The following LCP1 variants were observed in gnomAD, a reference collection of about 807,000 sequenced individuals.
LCP1 encodes the protein lymphocyte cytosolic protein 1.
LCP1 carries 23 observed loss-of-function variants against 72.0 expected under a neutral mutation model. The observed-to-expected ratio is 0.32, with a 90% CI of 0.23 to 0.45. The LOEUF is 0.45. Ranked by LOEUF, LCP1 falls within the 20% of genes least tolerant of loss-of-function variation. LCP1 has a pLI of 1.00. For missense variants in LCP1, 571 were observed against 748.3 expected (o/e 0.76, Z 2.76); for synonymous variants, 245 against 275.4 (o/e 0.89, Z 1.09).
At chr13:46,128,336 C>T (rs868297805) in intron 15 of LCP1, among the ~76,000 whole-genome samples, 12 of 152,210 alleles carry the variant, frequency 7.9e-5, no homozygotes, top group Admixed American at 5.2e-4. Flanking sequence ...CGGTGGCTCA[C>T]GCCTGTAATC....
rs766368891 is a variant in LCP1 at position 46,144,458 on chromosome 13, C to G, written c.1237G>C (p.Val413Leu). The change falls in exon 11 of 16, where the codon GTC becomes CTC. Residue 413 changes from valine to leucine, a missense_variant. Physicochemically the swap from Val to Leu is conservative, Grantham distance 32. Transcript: ENST00000323076. ...TATTCCTACCTGTACAAATGATTGA[C>G]TCGAGGGTTAACACCCAGGGAGTTC... The part of the protein sequence containing the change: ...WMNSLGVNPR[V>L]NHLYSDLSDA... 5 of 1,613,020 alleles carry G rather than the reference C, an allele frequency of 3.1e-6. No individual in the cohort carries two copies. Among genetic ancestry groups the G allele is most frequent in the Non-Finnish European group, 4.2e-6 (5 of 1,179,120 alleles).
At chr13:46,158,403 T>C (rs1054386916) in intron 4 of LCP1, 119 bp downstream of exon 4, 8 of 1,131,648 alleles carry the variant, frequency 7.1e-6, no homozygotes, top group Non-Finnish European at 1.0e-5. Flanking sequence ...CACAGGAAAA[T>C]TGGGAGTCAT....
chr13:46,151,421 A>G (rs9595422), intron 7 of LCP1, among the ~76,000 whole-genome samples: 30,332 of 152,192 alleles, frequency 0.2, 3,278 homozygotes, highest in Admixed American at 0.26. Flanking sequence ...CACATTTCAC[A>G]ATATGACAAC....
At chr13:46,172,572 GT>G (rs2045909720) in intron 1 of LCP1, among the ~76,000 whole-genome samples, 1 of 152,196 alleles carries the variant, frequency 6.6e-6, no homozygotes, top group South Asian at 2.1e-4. Context: ...GCTGTGGCAG[GT>G]TGGGTGTGGC....
chr13:46,159,102 A>G (rs1593957574), intron 2 of LCP1, 113 bp from the exon 3 acceptor site: 5 of 913,364 alleles, frequency 5.5e-6, no homozygotes, highest in Non-Finnish European at 8.7e-6. Context: ...TCATTCAGAC[A>G]TTAAGGCATG....
rs187770577 is a variant in LCP1, at chr13:46,133,364, C to G, written c.1626+763G>C. ...ATAAGCCAGGCATGGTGGCTCACGCCTATAATCCCAAAGCACTTTGGGAGG... is the reference window on the plus strand; with the variant it reads ...ATAAGCCAGGCATGGTGGCTCACGCGTATAATCCCAAAGCACTTTGGGAGG... On this transcript the variant is annotated intron_variant, in intron 14 of 15. Coordinates refer to ENST00000323076, the MANE Select transcript of LCP1 (RefSeq NM_002298.5). Among the ~76,000 whole-genome samples, 3 of 152,310 alleles carry G rather than the reference C, an allele frequency of 2.0e-5. No individual in the cohort carries two copies. The South Asian group carries it at 6.2e-4, about 32-fold the overall frequency.
intron 1 of LCP1, among the ~76,000 whole-genome samples, chr13:46,168,111 C>T (rs532733486): frequency 6.6e-6 from 1 of 152,124 alleles, no homozygotes; most frequent in Non-Finnish European, 1.5e-5. Context: ...ATGGAAATAA[C>T]TGGCAGGAAA....
In LCP1 at chr13:46,127,754, G is replaced by A. The variant is rs2045608170; in HGVS notation, c.1752-31C>T. 24 of 1,613,346 alleles carry A rather than the reference G, an allele frequency of 1.5e-5. No homozygotes were observed. In the Middle Eastern group the frequency reaches 4.9e-4, roughly 33 times the overall value. On this transcript the variant is annotated intron_variant, in intron 15 of 15. Coordinates refer to ENST00000323076, the MANE Select transcript of LCP1 (RefSeq NM_002298.5). ...AGGGAGAAAAGAGGAAAAATAAGGA[G>A]AGCCTGAGAAACACAACACGAATGG...
intron 1 of LCP1, among the ~76,000 whole-genome samples, chr13:46,172,158 C>T (rs948011808): frequency 4.6e-5 from 7 of 152,150 alleles, no homozygotes; most frequent in African/African-American, 1.7e-4. Flanking sequence ...TCCAAACAGA[C>T]AAAATAGAAA....
At chr13:46,153,658 G>A (rs1281173849) in intron 6 of LCP1, among the ~76,000 whole-genome samples, 1 of 149,772 alleles carries the variant, frequency 6.7e-6, no homozygotes, top group Non-Finnish European at 1.5e-5. Context: ...CTGAGATCAT[G>A]CCATCACACT....
intron 4 of LCP1, among the ~76,000 whole-genome samples, chr13:46,157,830 T>C (rs2045812929): frequency 7.2e-6 from 1 of 139,518 alleles, no homozygotes; most frequent in East Asian, 2.3e-4. Context: ...CACTGCAACC[T>C]CTGCCTCCTG....
intron 1 of LCP1, among the ~76,000 whole-genome samples, chr13:46,178,537 C>T (rs1187870741): frequency 6.6e-6 from 1 of 152,148 alleles, no homozygotes; most frequent in Non-Finnish European, 1.5e-5. Flanking sequence ...AATGAAGACC[C>T]TGTAGAACAT....
intron 1 of LCP1, among the ~76,000 whole-genome samples, chr13:46,162,641 G>A (rs866838721): frequency 9.9e-5 from 15 of 152,144 alleles, no homozygotes; most frequent in African/African-American, 1.7e-4. Context: ...GCGTGATCTC[G>A]GCTAGCTACA....
chr13:46,158,225 G>T (rs952252121), intron 4 of LCP1, among the ~76,000 whole-genome samples: 41 of 152,170 alleles, frequency 2.7e-4, no homozygotes, highest in Non-Finnish European at 5.1e-4. Flanking sequence ...AAATTATCAT[G>T]AAGTTTAAAG....
intron 10 of LCP1, among the ~76,000 whole-genome samples, chr13:46,146,342 T>A (rs1028824): frequency 0.27 from 41,168 of 152,046 alleles, 5,755 homozygotes; most frequent in South Asian, 0.44. Context: ...TTTAAAAAAG[T>A]CAAGTAAACA....
At chr13:46,165,445 T>TTA (rs1207833632) in intron 1 of LCP1, among the ~76,000 whole-genome samples, 1 of 152,092 alleles carries the variant, frequency 6.6e-6, no homozygotes, top group African/African-American at 2.4e-5. Context: ...TATGATAATA[T>TTA]TATAAGATTA....
chr13:46,148,933 C>T (rs2045746975), intron 8 of LCP1: 2 of 194,512 alleles, frequency 1.0e-5, no homozygotes, highest in South Asian at 1.8e-4. Context: ...GAAGCATTAA[C>T]AAGCAATCTT....
At chr13:46,153,779 A>T (rs1203418941) in intron 6 of LCP1, among the ~76,000 whole-genome samples, 2 of 152,184 alleles carry the variant, frequency 1.3e-5, no homozygotes, top group Non-Finnish European at 1.5e-5. Context: ...GGTTTTTGCT[A>T]GGTTGATTTG....
chr13:46,140,350 G>A (rs2045689993), intron 13 of LCP1, among the ~76,000 whole-genome samples: 1 of 152,100 alleles, frequency 6.6e-6, no homozygotes, highest in African/African-American at 2.4e-5. Context: ...GCTCACACAA[G>A]GCTGGAAAAA....
Sources: allele counts gnomAD v4.1 joint callset (sites outside exome capture counted in the v4.1 genomes callset), GRCh38; gene constraint gnomAD v4.1.1; transcripts MANE v1.5; gene names NCBI Gene and HGNC (gene_info 2026-07-23, HGNC 2026-07-21).